The following FAF1 variants were observed in gnomAD, a reference collection of about 807,000 sequenced individuals.
FAF1 encodes the protein FAS-associated factor 1.
FAF1 carries 25 observed loss-of-function variants against 92.5 expected under a neutral mutation model. That is an observed-to-expected ratio of 0.27 (90% CI 0.20 to 0.38). The LOEUF (loss-of-function observed/expected upper bound fraction) is 0.38, where lower values mean the gene tolerates loss of function less well. Ranked by LOEUF, FAF1 falls within the 10% of genes least tolerant of loss-of-function variation. The pLI is 1.00. For synonymous variants in FAF1, 234 were observed against 273.2 expected (o/e 0.86, Z 1.42); for missense variants, 636 against 793.3 (o/e 0.80, Z 2.38).
intron 2 of FAF1, among the ~76,000 whole-genome samples, chr1:50,819,645 C>G (rs1442967824): frequency 7.7e-6 from 1 of 130,342 alleles, no homozygotes; most frequent in Non-Finnish European, 1.6e-5. Context: ...CACTCACACA[C>G]ACACACACAC....
At chr1:50,520,066 A>G (rs1647422431) in intron 15 of FAF1, among the ~76,000 whole-genome samples, 1 of 151,962 alleles carries the variant, frequency 6.6e-6, no homozygotes, top group Admixed American at 6.5e-5. Context: ...GTCAAAACAA[A>G]TTAATGGTAG....
intron 1 of FAF1, among the ~76,000 whole-genome samples, chr1:50,953,704 A>G (rs1474406031): frequency 1.3e-5 from 2 of 151,922 alleles, no homozygotes; most frequent in Non-Finnish European, 2.9e-5. Flanking sequence ...ACGCCACTGC[A>G]CTACAGCCTG....
intron 2 of FAF1, among the ~76,000 whole-genome samples, chr1:50,839,069 C>A (rs955851140): frequency 6.6e-6 from 1 of 152,078 alleles, no homozygotes; most frequent in South Asian, 2.1e-4. Flanking sequence ...ACAAAGAATT[C>A]TACTGCAAGA....
rs1316917521 is a variant in FAF1, at chr1:50,470,074, T to A, written c.1869+5390A>T. Among the ~76,000 whole-genome samples the A allele has an allele frequency of 5.3e-5, 8 of 152,134 alleles. No individual in the cohort carries two copies. The East Asian group carries it at 9.6e-4, about 18-fold the overall frequency. ...GTTTTTCCTTCTGGCTCTTGTTTTTTAAAAAAATAAAACTTAGTCTAATAT... is the reference window on the plus strand; with the variant it reads ...GTTTTTCCTTCTGGCTCTTGTTTTTAAAAAAAATAAAACTTAGTCTAATAT... On this transcript the variant is annotated intron_variant, in intron 18 of 18. Transcript: ENST00000396153.
chr1:50,806,317 T>C (rs1035363868), intron 2 of FAF1, among the ~76,000 whole-genome samples: 3 of 152,172 alleles, frequency 2.0e-5, no homozygotes, highest in African/African-American at 7.2e-5. Context: ...CACAATAAGA[T>C]ACCACCACAC....
intron 4 of FAF1, chr1:50,781,136 T>A (rs572781147): frequency 7.2e-6 from 2 of 279,112 alleles, no homozygotes; most frequent in South Asian, 3.3e-5. Context: ...TCAATACTCC[T>A]CCGGGTGCCC....
intron 7 of FAF1, among the ~76,000 whole-genome samples, chr1:50,694,087 A>T (rs539602663): frequency 4.8e-4 from 71 of 146,930 alleles, no homozygotes; most frequent in Non-Finnish European, 8.4e-4. Context: ...CATATATATA[A>T]AAAAAACTGA....
chr1:50,758,619 T>C (rs1660181363), intron 4 of FAF1, among the ~76,000 whole-genome samples: 1 of 152,236 alleles, frequency 6.6e-6, no homozygotes, highest in South Asian at 2.1e-4. Context: ...TTCATTTCTC[T>C]GTATTAACTT....
chr1:50,776,932 C>T (rs890871688), intron 4 of FAF1, among the ~76,000 whole-genome samples: 5 of 151,732 alleles, frequency 3.3e-5, no homozygotes, highest in Admixed American at 6.6e-5. Flanking sequence ...ACTTTTAAAA[C>T]GTCAACAGAG....
At chr1:50,634,096 G>GT (rs1298991361) in intron 8 of FAF1, among the ~76,000 whole-genome samples, 2 of 152,114 alleles carry the variant, frequency 1.3e-5, no homozygotes, top group African/African-American at 4.8e-5. Flanking sequence ...AGCAACAATT[G>GT]ATTTGACTGT....
At chr1:50,641,418 C>G (rs972571132) in intron 8 of FAF1, among the ~76,000 whole-genome samples, 2 of 152,000 alleles carry the variant, frequency 1.3e-5, no homozygotes, top group Admixed American at 1.3e-4. Context: ...TGTTACCAAT[C>G]TTTTCTGATT....
chr1:50,853,528 A>C (rs1644368512), intron 2 of FAF1, among the ~76,000 whole-genome samples: 1 of 152,118 alleles, frequency 6.6e-6, no homozygotes, highest in Admixed American at 6.6e-5. Flanking sequence ...GCAAAACAGC[A>C]ATGTCAGCAC....
intron 2 of FAF1, among the ~76,000 whole-genome samples, chr1:50,804,674 TA>T (rs1238949020): frequency 6.6e-6 from 1 of 152,190 alleles, no homozygotes; most frequent in Admixed American, 6.5e-5. Context: ...GTGAAAAGCA[TA>T]AAGACAGAAA....
In FAF1 at chr1:50,960,048, C is replaced by T. The variant is rs1645304195; in HGVS notation, c.-237G>A. ...GCCCGCCTGCAACCTGCGGAGCCCG[C>T]GTCGCAGCAGCCCGGACAGGAAGAT... On this transcript the variant is annotated 5_prime_UTR_variant, in exon 1 of 19. Transcript: ENST00000396153. 13 of 395,472 alleles carry T rather than the reference C, an allele frequency of 3.3e-5. No homozygotes were observed. In the East Asian group the frequency reaches 4.7e-4, roughly 14 times the overall value. 24.5% of individuals were successfully genotyped at this position (395,472 alleles called of 1,614,324 possible).
chr1:50,497,540 C>CTTTTTTTTTTTTTT (rs61258960), intron 15 of FAF1, among the ~76,000 whole-genome samples: 1 of 100,506 alleles, frequency 9.9e-6, no homozygotes, highest in Non-Finnish European at 2.0e-5. Flanking sequence ...ATTCAAAACT[C>CTTTTTTTTTTTTTT]TTTTTTTTTT....
intron 4 of FAF1, among the ~76,000 whole-genome samples, chr1:50,752,073 G>A (rs911418091): frequency 2.6e-5 from 4 of 152,032 alleles, no homozygotes; most frequent in East Asian, 3.9e-4. Flanking sequence ...AGGTTCAAGC[G>A]ATTCTCCTGC....
At chr1:50,945,426 T>C (rs533606276) in intron 1 of FAF1, among the ~76,000 whole-genome samples, 15 of 152,338 alleles carry the variant, frequency 9.8e-5, no homozygotes, top group African/African-American at 3.6e-4. Flanking sequence ...CTGGCTTCTC[T>C]CATCATGTGA....
At chr1:50,650,000 T>C (rs1467150865) in intron 8 of FAF1, among the ~76,000 whole-genome samples, 1 of 147,868 alleles carries the variant, frequency 6.8e-6, no homozygotes, top group Non-Finnish European at 1.5e-5. Flanking sequence ...TAATAAAGTA[T>C]TAAGCTGGGC....
chr1:50,865,438 C>A (rs1644472290), intron 1 of FAF1, among the ~76,000 whole-genome samples: 1 of 147,022 alleles, frequency 6.8e-6, no homozygotes, highest in Non-Finnish European at 1.5e-5. Context: ...GGAACCAACC[C>A]AAATGTCCAA....
Sources: allele counts gnomAD v4.1 joint callset (sites outside exome capture counted in the v4.1 genomes callset), GRCh38; gene constraint gnomAD v4.1.1; transcripts MANE v1.5; gene names NCBI Gene and HGNC (gene_info 2026-07-23, HGNC 2026-07-21).